Variants in CHRNB1 observed in about 807,000 individuals in gnomAD.
CHRNB1 encodes acetylcholine receptor subunit beta.
CHRNB1 carries 47 observed loss-of-function variants against 53.8 expected under a neutral mutation model. The observed-to-expected ratio is 0.87, with a 90% CI of 0.69 to 1.11. The LOEUF (loss-of-function observed/expected upper bound fraction) is 1.11. Among genes scored for constraint, CHRNB1 ranks in the 50% most tolerant of loss-of-function variants. CHRNB1 has a pLI of 0.00. For missense variants in CHRNB1, 605 were observed against 654.9 expected (o/e 0.92, Z 0.83); for synonymous variants, 259 against 263.5 (o/e 0.98, Z 0.16).
chr17:7,450,364 G>T (rs1567678483), intron 7 of CHRNB1, among the ~76,000 whole-genome samples: 1 of 151,876 alleles, frequency 6.6e-6, no homozygotes, highest in Non-Finnish European at 1.5e-5. Context: ...GGCTGGTCTC[G>T]AACTCCTGAC....
At chr17:7,455,746 G>T (rs777282347) in intron 9 of CHRNB1, 48 bp from the exon 10 acceptor site, 1 of 1,613,488 alleles carries the variant, frequency 6.2e-7, no homozygotes. Flanking sequence ...TGGGTCGCCG[G>T]CACTGGCTGT....
Position 7,455,324 on chromosome 17 carries a change from G to A in CHRNB1, c.1085G>A (p.Arg362Lys). Residue 362 changes from arginine to lysine, a missense_variant, in exon 9 of 11, where the codon AGG (arginine) becomes AAG (lysine). Arg to Lys is a conservative substitution (Grantham distance 26). Coordinates refer to ENST00000306071, the MANE Select transcript of CHRNB1 (RefSeq NM_000747.3). ...HKLPLYLRLKRPKPERDLMPE... is the reference protein window; with the variant it reads ...HKLPLYLRLKKPKPERDLMPE... ...CTTCCGCTGTACCTGCGTCTAAAAA[G>A]GCCCAAACCCGAGAGAGACCTGATG... is the stretch of plus-strand genomic sequence containing the variant. 1 of 1,614,098 alleles carries A rather than the reference G, an allele frequency of 6.2e-7. No individual in the cohort carries two copies. The highest frequency in any genetic ancestry group is 8.5e-7 in the Non-Finnish European group (1 of 1,180,036).
chr17:7,446,391 T>C, intron 3 of CHRNB1: 2 of 545,202 alleles, frequency 3.7e-6, no homozygotes, highest in Non-Finnish European at 6.6e-6. Flanking sequence ...CTCACTATGT[T>C]GCACAGGCTG....
At chr17:7,446,174 TCCAGC>T in intron 3 of CHRNB1, 61 bp downstream of exon 3, 3 of 1,368,558 alleles carry the variant, frequency 2.2e-6, no homozygotes, top group South Asian at 2.3e-5. Flanking sequence ...TCCTTGAATA[TCCAGC>T]CCAGTAAGAA....
chr17:7,454,283 C>T lies in CHRNB1; in HGVS notation c.821-14C>T, dbSNP rs1473274329. On this transcript the variant is annotated splice_polypyrimidine_tract_variant and intron_variant, in intron 7 of 10. Coordinates refer to ENST00000306071, the MANE Select transcript of CHRNB1 (RefSeq NM_000747.3). Reference sequence around the variant, plus strand: ...GCAAGTCTAATCCTTCTCTCTTCCCCTCTGCCCTCCAAGGAGAGAAGATGG... The same window carrying T: ...GCAAGTCTAATCCTTCTCTCTTCCCTTCTGCCCTCCAAGGAGAGAAGATGG... 2 of 1,595,708 alleles carry T rather than the reference C, an allele frequency of 1.3e-6. No homozygotes were observed. Among genetic ancestry groups the T allele is most frequent in the Admixed American group, 1.7e-5 (1 of 59,986 alleles).
chr17:7,449,035 G>GCTTA (rs1369666685), intron 7 of CHRNB1, among the ~76,000 whole-genome samples: 3 of 151,588 alleles, frequency 2.0e-5, no homozygotes, highest in Non-Finnish European at 1.5e-5. Flanking sequence ...AAACCTCCAG[G>GCTTA]CTTAGATAGC....
Position 7,454,389 on chromosome 17 carries a change from G to C in CHRNB1, c.913G>C (p.Val305Leu). ...ADKVPETSLS[V>L]PIIIKYLMFT... ...CAAAGTACCTGAGACCTCACTATCA[G>C]TACCCATTATTATCAAGTACCTCAT... The change falls in exon 8 of 11, where the codon GTA becomes CTA. Residue 305 changes from valine to leucine, a missense_variant. Coordinates refer to ENST00000306071, the MANE Select transcript of CHRNB1 (RefSeq NM_000747.3). The C allele has an allele frequency of 6.2e-7, 1 of 1,614,066 alleles. No homozygotes were observed. Among genetic ancestry groups the C allele is most frequent in the Non-Finnish European group, 8.5e-7 (1 of 1,180,000 alleles).
At position 7,456,802 on chromosome 17, in the gene CHRNB1, G is replaced by A. The variant is rs2069957554; in HGVS notation, c.*79G>A. The A allele has an allele frequency of 2.5e-6, 4 of 1,572,836 alleles. No individual in the cohort carries two copies. Among genetic ancestry groups the A allele is most frequent in the Middle Eastern group, 1.7e-4 (1 of 6,012 alleles). On this transcript the variant is annotated 3_prime_UTR_variant, in exon 11 of 11. Coordinates refer to ENST00000306071, the MANE Select transcript of CHRNB1 (RefSeq NM_000747.3). ...ATACTGTCAAGCCCTATCCTTCTCT[G>A]CCTCTTAACTCCTTCACGAGGAATC...
chr17:7,452,957 G>A (rs901989663), intron 7 of CHRNB1, among the ~76,000 whole-genome samples: 2 of 152,238 alleles, frequency 1.3e-5, no homozygotes, highest in Non-Finnish European at 2.9e-5. Context: ...CCAAGAGGCA[G>A]AGGTTGCAGT....
chr17:7,446,868 G>C lies in CHRNB1; in HGVS notation c.279G>C (p.Ala93=). Reference sequence around the variant, plus strand: ...ACTACAGGCTGAGCTGGGACCCTGCGGAGCACGACGGCATCGATTCGCTCC... The same window carrying C: ...ACTACAGGCTGAGCTGGGACCCTGCCGAGCACGACGGCATCGATTCGCTCC... ...WTDYRLSWDP[A]EHDGIDSLRI... is the part of the protein sequence containing the mutation. The change falls in exon 4 of 11, where the codon GCG becomes GCC. Residue 93 remains alanine, a synonymous_variant. Coordinates refer to ENST00000306071, the MANE Select transcript of CHRNB1 (RefSeq NM_000747.3). 2 of 1,614,034 alleles carry C rather than the reference G, an allele frequency of 1.2e-6. No individual in the cohort carries two copies. Among genetic ancestry groups the C allele is most frequent in the Non-Finnish European group, 1.7e-6 (2 of 1,180,032 alleles).
chr17:7,449,783 G>A (rs999114581), intron 7 of CHRNB1, among the ~76,000 whole-genome samples: 2 of 151,698 alleles, frequency 1.3e-5, no homozygotes, highest in Admixed American at 6.6e-5. Flanking sequence ...GGTGGCTCAC[G>A]CCTGTAATCC....
Position 7,448,678 on chromosome 17 carries a change from T to C in CHRNB1, c.710T>C (p.Phe237Ser), listed in dbSNP as rs1597750840. 1 of 1,614,176 alleles carries C rather than the reference T, an allele frequency of 6.2e-7. No individual in the cohort carries two copies. Among genetic ancestry groups the C allele is most frequent in the African/African-American group, 1.3e-5 (1 of 75,036 alleles). ...GAAGGACAGCGCCAGGAAGTCATCT[T>C]CTACCTCATCATCCGCCGCAAGCCT... is the stretch of plus-strand genomic sequence containing the variant. ...GREGQRQEVI[F>S]YLIIRRKPLF... The change falls in exon 7 of 11, where the codon TTC becomes TCC. Residue 237 changes from phenylalanine to serine, a missense_variant. Transcript: ENST00000306071.
chr17:7,447,381 C>G (rs889587528), intron 5 of CHRNB1, 122 bp from the exon 6 acceptor site: 24 of 1,208,932 alleles, frequency 2.0e-5, no homozygotes, highest in Non-Finnish European at 2.7e-5. Flanking sequence ...TTAATGGCTT[C>G]CCTTCATAAC....
At position 7,456,773 on chromosome 17, in the gene CHRNB1, G is replaced by A. The variant is rs1311290164; in HGVS notation, c.*50G>A. The A allele has an allele frequency of 6.2e-7, 1 of 1,610,730 alleles. No homozygotes were observed. The highest frequency in any genetic ancestry group is 8.5e-7 in the Non-Finnish European group (1 of 1,177,162). On this transcript the variant is annotated 3_prime_UTR_variant, in exon 11 of 11. Transcript: ENST00000306071. ...CCCCTGCCAGTTGAAGTGAGAGTTT[G>A]GTGATACTGTCAAGCCCTATCCTTC...
At chr17:7,446,728 T>C in intron 3 of CHRNB1, 105 bp from the exon 4 acceptor site, 1 of 857,236 alleles carries the variant, frequency 1.2e-6, no homozygotes, top group Non-Finnish European at 1.9e-6. Context: ...AGTTTATGCC[T>C]GTCCTGCTCC....
chr17:7,456,931 G>C lies in CHRNB1; in HGVS notation c.*208G>C. ...CAGTATCATCTGATTTACTCTTTGG[G>C]ATCTTGAAGAAGCTCTTTTGGGTAT... On this transcript the variant is annotated 3_prime_UTR_variant, in exon 11 of 11. Transcript: ENST00000306071. 1.6e-6 allele frequency: 1 copy of C among 619,382 alleles called. No homozygotes were observed. Among genetic ancestry groups the C allele is most frequent in the Non-Finnish European group, 2.8e-6 (1 of 357,102 alleles). The allele number at this position is 619,382 out of a possible 1,614,324, so 38.4% of individuals were successfully genotyped here. A position where few individuals can be genotyped will look rare whatever the true frequency, so the allele number is the denominator to read the frequency against.
At chr17:7,446,339 G>GTGTGTGTGTGTC (rs1567676859) in intron 3 of CHRNB1, 8 of 366,666 alleles carry the variant, frequency 2.2e-5, no homozygotes, top group Non-Finnish European at 3.2e-5. Flanking sequence ...GTGTGTGTGT[G>GTGTGTGTGTGTC]TGTGTGTGTG....
rs539857628 is a variant in CHRNB1, at chr17:7,445,120, G to T, written c.-8G>T. ...TCTGAGCGAAGTCACTGAGCGAGCC[G>T]CCAGGCTATGACCCCAGGGGCTCTG... is the stretch of plus-strand genomic sequence containing the variant. On this transcript the variant is annotated 5_prime_UTR_variant, in exon 1 of 11. Transcript: ENST00000306071. This position sits in a 1 kb window ranked among gnomAD's most constrained non-coding sequence, Gnocchi z 5.7. The T allele has an allele frequency of 9.5e-5, 153 of 1,607,042 alleles. No homozygotes were observed. The East Asian group carries it at 3.2e-3, about 34-fold the overall frequency.
At chr17:7,454,854 G>C (rs1909019632) in intron 8 of CHRNB1, among the ~76,000 whole-genome samples, 1 of 133,216 alleles carries the variant, frequency 7.5e-6, no homozygotes, top group South Asian at 2.4e-4. Flanking sequence ...CCAGGCTGGA[G>C]TGCAATGGCA....
Sources: gnomAD v4.1 joint callset for allele counts (sites outside exome capture counted in the v4.1 genomes callset) on GRCh38, gnomAD v4.1.1 for gene constraint, Gnocchi (gnomAD v3.1) non-coding constraint, MANE v1.5 for transcripts, NCBI Gene and HGNC (gene_info 2026-07-23, HGNC 2026-07-21) for gene names.